ARHGAP42: variants seen among roughly 807,000 people sequenced by gnomAD.
ARHGAP42 encodes the protein rho GTPase-activating protein 42.
ARHGAP42 carries 63 observed loss-of-function variants against 125.0 expected under a neutral mutation model. The observed-to-expected ratio is 0.50, with a 90% confidence interval of 0.41 to 0.62. The LOEUF is 0.62. Ranked by LOEUF, ARHGAP42 falls within the 20% of genes least tolerant of loss-of-function variation. ARHGAP42 has a pLI of 0.00. For missense variants in ARHGAP42, 766 were observed against 1,024.2 expected (o/e 0.75, Z 3.44); for synonymous variants, 339 against 351.0 (o/e 0.97, Z 0.38).
intron 1 of ARHGAP42, among the ~76,000 whole-genome samples, chr11:100,756,204 A>C (rs970038661): frequency 6.6e-5 from 9 of 135,892 alleles, no homozygotes; most frequent in African/African-American, 2.6e-4. Context: ...TGGTCAATAC[A>C]GTGAGACCTT....
intron 19 of ARHGAP42, 119 bp downstream of exon 19, chr11:100,974,722 C>T: frequency 9.4e-7 from 1 of 1,066,106 alleles, no homozygotes; most frequent in Admixed American, 3.0e-5. Context: ...TCCCCAACAC[C>T]TCCTCTTTTA....
At chr11:100,924,220 T>G (rs1369221395) in intron 6 of ARHGAP42, among the ~76,000 whole-genome samples, 1 of 152,058 alleles carries the variant, frequency 6.6e-6, no homozygotes, top group Non-Finnish European at 1.5e-5. Context: ...TTGTAAGATA[T>G]CCAAAAGAAA....
chr11:100,983,910 G>C (rs75139341), intron 22 of ARHGAP42, among the ~76,000 whole-genome samples: 5,899 of 152,286 alleles, frequency 0.039, 163 homozygotes, highest in East Asian at 0.1. Context: ...AGGCCAAGGC[G>C]AGTGGACCGC....
chr11:100,915,868 G>A (rs74425622), intron 5 of ARHGAP42, among the ~76,000 whole-genome samples: 4,052 of 152,068 alleles, frequency 0.027, 194 homozygotes, highest in African/African-American at 0.092. Flanking sequence ...CCCTCCCTTC[G>A]CCCCTCTAGG....
chr11:100,700,010 C>G (rs543019779), intron 1 of ARHGAP42, among the ~76,000 whole-genome samples: 93 of 152,204 alleles, frequency 6.1e-4, no homozygotes, highest in African/African-American at 2.1e-3. Flanking sequence ...ACATGTCATT[C>G]TCCCTATGTG....
intron 3 of ARHGAP42, among the ~76,000 whole-genome samples, chr11:100,852,879 G>A (rs770429875): frequency 6.6e-6 from 1 of 152,140 alleles, no homozygotes; most frequent in Non-Finnish European, 1.5e-5. Flanking sequence ...AATGTGCAAA[G>A]GTAGAGGACT....
intron 4 of ARHGAP42, among the ~76,000 whole-genome samples, chr11:100,866,923 G>C (rs527959651): frequency 4.5e-4 from 68 of 152,260 alleles, no homozygotes; most frequent in African/African-American, 1.6e-3. Context: ...ATGTTAGCAG[G>C]CATGAGAGAA....
At chr11:100,929,489 G>A (rs879849147) in intron 6 of ARHGAP42, among the ~76,000 whole-genome samples, 7 of 152,080 alleles carry the variant, frequency 4.6e-5, no homozygotes, top group Non-Finnish European at 1.0e-4. Context: ...ACCATCTGAC[G>A]AACTACCAAA....
At chr11:100,952,076 T>C (rs1376028399) in intron 12 of ARHGAP42, among the ~76,000 whole-genome samples, 2 of 152,212 alleles carry the variant, frequency 1.3e-5, no homozygotes, top group East Asian at 3.8e-4. Context: ...AATCTTAAGC[T>C]TTATTTTTAA....
intron 1 of ARHGAP42, among the ~76,000 whole-genome samples, chr11:100,689,878 A>C (rs79457445): frequency 2.3e-3 from 344 of 152,278 alleles, no homozygotes; most frequent in African/African-American, 7.6e-3. Flanking sequence ...ACACTGTAGC[A>C]CTGATTTTTT....
intron 1 of ARHGAP42, among the ~76,000 whole-genome samples, chr11:100,716,432 G>T (rs911079646): frequency 2.0e-5 from 3 of 152,170 alleles, no homozygotes; most frequent in African/African-American, 7.2e-5. Flanking sequence ...AATGCTGTTG[G>T]TAATTAATGA....
At chr11:100,831,046 T>C (rs944116966) in intron 3 of ARHGAP42, among the ~76,000 whole-genome samples, 17 of 152,232 alleles carry the variant, frequency 1.1e-4, no homozygotes, top group African/African-American at 3.9e-4. Flanking sequence ...GTTATATTAG[T>C]TGAAATTTTC....
intron 2 of ARHGAP42, among the ~76,000 whole-genome samples, chr11:100,775,420 A>G (rs1466452659): frequency 6.6e-6 from 1 of 152,188 alleles, no homozygotes; most frequent in Non-Finnish European, 1.5e-5. Flanking sequence ...TAATTACACA[A>G]GTAATATGTA....
Position 100,687,536 on chromosome 11 carries a change from T to A in ARHGAP42, c.-143T>A. ...CAGGCGGCGCGGCGCTCGGGGCCCGTTTCCTCCGCGCAATCAGTCCCCTCG... is the reference window on the plus strand; with the variant it reads ...CAGGCGGCGCGGCGCTCGGGGCCCGATTCCTCCGCGCAATCAGTCCCCTCG... On this transcript the variant is annotated 5_prime_UTR_variant, in exon 1 of 24. Transcript: ENST00000298815. 1 of 531,958 alleles carries A rather than the reference T, an allele frequency of 1.9e-6. No individual in the cohort carries two copies. Among genetic ancestry groups the A allele is most frequent in the South Asian group, 8.9e-5 (1 of 11,194 alleles). 33.0% of individuals were successfully genotyped at this position (531,958 alleles called of 1,614,324 possible). A position where few individuals can be genotyped will look rare whatever the true frequency, so the allele number is the denominator to read the frequency against.
At chr11:100,796,459 T>C (rs1373234347) in intron 3 of ARHGAP42, among the ~76,000 whole-genome samples, 1 of 152,180 alleles carries the variant, frequency 6.6e-6, no homozygotes, top group Admixed American at 6.5e-5. Context: ...AAAGGAAGTG[T>C]CATGTGTCTC....
At chr11:100,888,210 C>T (rs576303445) in intron 4 of ARHGAP42, among the ~76,000 whole-genome samples, 1 of 150,498 alleles carries the variant, frequency 6.6e-6, no homozygotes, top group East Asian at 2.1e-4. Context: ...ATGTCTTTGA[C>T]TATTATGAAA....
Position 100,991,058 on chromosome 11 carries a change from A to C in ARHGAP42, c.*2257A>C, listed in dbSNP as rs1858819196. 1 of 152,218 alleles carries C rather than the reference A, an allele frequency of 6.6e-6. No individual in the cohort carries two copies. Among genetic ancestry groups the C allele is most frequent in the South Asian group, 2.1e-4 (1 of 4,830 alleles). 9.4% of individuals were successfully genotyped at this position (152,218 alleles called of 1,614,324 possible). A position where few individuals can be genotyped will look rare whatever the true frequency, so the allele number is the denominator to read the frequency against. On this transcript the variant is annotated 3_prime_UTR_variant, in exon 24 of 24. Transcript: ENST00000298815. Reference sequence around the variant, plus strand: ...TATCTGATGGCAAGGCATATGTTGCAGCCACAGTACTGGCTATGGTCCCTT... The same window carrying C: ...TATCTGATGGCAAGGCATATGTTGCCGCCACAGTACTGGCTATGGTCCCTT...
chr11:100,741,308 G>A (rs1210095301), intron 1 of ARHGAP42, among the ~76,000 whole-genome samples: 2 of 152,208 alleles, frequency 1.3e-5, no homozygotes, highest in Admixed American at 6.5e-5. Context: ...TGGGATTACA[G>A]GCGTGAGCCA....
At chr11:100,898,388 A>G (rs576141096) in intron 4 of ARHGAP42, among the ~76,000 whole-genome samples, 17 of 152,168 alleles carry the variant, frequency 1.1e-4, no homozygotes, top group East Asian at 3.9e-4. Flanking sequence ...CTCTTTTTCT[A>G]TTGATTGGAA....
Sources: allele counts gnomAD v4.1 joint callset (sites outside exome capture counted in the v4.1 genomes callset), GRCh38; gene constraint gnomAD v4.1.1; transcripts MANE v1.5; gene names NCBI Gene and HGNC (gene_info 2026-07-23, HGNC 2026-07-21).